ZC2HC1A: variants seen among roughly 807,000 people sequenced by gnomAD.
ZC2HC1A encodes the protein zinc finger C2HC domain-containing protein 1A.
In ZC2HC1A, 28 loss-of-function variants were observed where a neutral mutation model predicts 40.7. The observed-to-expected ratio is 0.69, with a 90% CI of 0.51 to 0.94. The LOEUF (loss-of-function observed/expected upper bound fraction) is 0.94, where lower values mean the gene tolerates loss of function less well. Among genes scored for constraint, ZC2HC1A ranks in the 40% least tolerant of loss-of-function variants. The probability of loss-of-function intolerance (pLI) is 0.00; values close to 1 mark genes in which losing one functional copy is unlikely to be tolerated. For missense variants in ZC2HC1A, 389 were observed against 386.3 expected (o/e 1.01, Z -0.06); for synonymous variants, 129 against 129.2 (o/e 1.00, Z 0.01).
At chr8:78,671,384 G>C (rs1809434089) in intron 1 of ZC2HC1A, among the ~76,000 whole-genome samples, 1 of 152,056 alleles carries the variant, frequency 6.6e-6, no homozygotes, top group Non-Finnish European at 1.5e-5. Flanking sequence ...CCATCACCTT[G>C]AGTGCTTATT....
intron 3 of ZC2HC1A, among the ~76,000 whole-genome samples, chr8:78,682,789 C>T (rs1306175516): frequency 3.3e-5 from 5 of 152,184 alleles, no homozygotes; most frequent in Admixed American, 2.6e-4. Flanking sequence ...TGAGACAAGG[C>T]AAGTTTCTTC....
At chr8:78,673,803 G>A (rs901449536) in intron 1 of ZC2HC1A, among the ~76,000 whole-genome samples, 2 of 151,986 alleles carry the variant, frequency 1.3e-5, no homozygotes, top group African/African-American at 4.8e-5. Flanking sequence ...ATTTATATAT[G>A]TGTTTTATAT....
intron 7 of ZC2HC1A, 38 bp from the exon 8 acceptor site, chr8:78,715,183 G>C: frequency 1.9e-6 from 3 of 1,578,412 alleles, no homozygotes; most frequent in Non-Finnish European, 2.6e-6. Context: ...CATGCTCACT[G>C]TTCAATACTT....
At chr8:78,674,498 G>T (rs1237979601) in intron 1 of ZC2HC1A, among the ~76,000 whole-genome samples, 2 of 152,084 alleles carry the variant, frequency 1.3e-5, no homozygotes, top group Non-Finnish European at 2.9e-5. Context: ...ATTGTTAGTG[G>T]ACTTAAGTGA....
rs1585973716 is a variant in ZC2HC1A, at chr8:78,671,087, A to G, written c.17-4700A>G. Among the ~76,000 whole-genome samples, 5 of 152,342 alleles carry G rather than the reference A, an allele frequency of 3.3e-5. No individual in the cohort carries two copies. In the Middle Eastern group the frequency reaches 0.014, roughly 415 times the overall value. On this transcript the variant is annotated intron_variant, in intron 1 of 8. Coordinates refer to ENST00000263849, the MANE Select transcript of ZC2HC1A (RefSeq NM_016010.3). ...AGATGGACATGCCACAAGGGAGGCC[A>G]GAACTGTTCTTAATTTCCAAGATTT...
At chr8:78,669,732 C>T (rs1338527702) in intron 1 of ZC2HC1A, among the ~76,000 whole-genome samples, 1 of 152,158 alleles carries the variant, frequency 6.6e-6, no homozygotes, top group Non-Finnish European at 1.5e-5. Context: ...TTATGACCAT[C>T]TCTTCTCCCC....
chr8:78,707,774 A>T (rs1810821217), intron 7 of ZC2HC1A, among the ~76,000 whole-genome samples: 1 of 152,196 alleles, frequency 6.6e-6, no homozygotes, highest in African/African-American at 2.4e-5. Flanking sequence ...TTACTATATT[A>T]ACTGGAACAT....
chr8:78,716,900 C>T (rs1311584551), intron 8 of ZC2HC1A, among the ~76,000 whole-genome samples: 1 of 151,980 alleles, frequency 6.6e-6, no homozygotes, highest in East Asian at 1.9e-4. Context: ...TCTCTTTTTT[C>T]CTCCTGCTCC....
At chr8:78,690,414 G>A (rs1810170079) in intron 5 of ZC2HC1A, among the ~76,000 whole-genome samples, 1 of 152,080 alleles carries the variant, frequency 6.6e-6, no homozygotes, top group South Asian at 2.1e-4. Context: ...CAAAAAATTA[G>A]CTGGACGTGG....
chr8:78,714,770 A>T (rs1811047867), intron 7 of ZC2HC1A, among the ~76,000 whole-genome samples: 2 of 152,190 alleles, frequency 1.3e-5, no homozygotes, highest in Non-Finnish European at 2.9e-5. Context: ...TAGAACTTTC[A>T]TAAGTTGAAT....
chr8:78,716,084 A>G (rs969696431), intron 8 of ZC2HC1A, among the ~76,000 whole-genome samples: 6 of 149,128 alleles, frequency 4.0e-5, no homozygotes, highest in Non-Finnish European at 7.4e-5. Context: ...TTCATCTAGC[A>G]TCTATTTTAC....
intron 7 of ZC2HC1A, among the ~76,000 whole-genome samples, chr8:78,713,239 G>A (rs74537922): frequency 6.6e-6 from 1 of 151,922 alleles, no homozygotes; most frequent in Non-Finnish European, 1.5e-5. Context: ...TGTAAGACTG[G>A]GGCAAGATGT....
chr8:78,715,470 C>G (rs1394644144), intron 8 of ZC2HC1A, 142 bp downstream of exon 8: 1 of 688,762 alleles, frequency 1.5e-6, no homozygotes, highest in African/African-American at 1.9e-5. Context: ...AAGTTGTACA[C>G]CTCTAATGGA....
chr8:78,674,042 T>C (rs1413384666), intron 1 of ZC2HC1A, among the ~76,000 whole-genome samples: 1 of 152,140 alleles, frequency 6.6e-6, no homozygotes, highest in Non-Finnish European at 1.5e-5. Context: ...TAATATTTGG[T>C]TGCTTTATGT....
At chr8:78,702,936 G>T (rs891327801) in intron 7 of ZC2HC1A, among the ~76,000 whole-genome samples, 1 of 151,886 alleles carries the variant, frequency 6.6e-6, no homozygotes, top group Non-Finnish European at 1.5e-5. Context: ...TCACTCTGTC[G>T]CCCAGGCTAT....
Position 78,686,472 on chromosome 8 carries a change from A to G in ZC2HC1A, c.216A>G (p.Glu72=). Residue 72 remains glutamate (E), a synonymous_variant, in exon 4 of 9, where the codon GAA becomes GAG. Coordinates refer to ENST00000263849, the MANE Select transcript of ZC2HC1A (RefSeq NM_016010.3). ...PTVKPLKPRP[E]PPKKPSNWRR... ...ATTTATTTATTTATTTATAGCCAGA[A>G]CCACCAAAGAAACCATCTAATTGGA... is the stretch of plus-strand genomic sequence containing the variant. 6.9e-7 allele frequency: 1 copy of G among 1,448,854 alleles called. No individual in the cohort carries two copies. Among genetic ancestry groups the G allele is most frequent in the Non-Finnish European group, 9.1e-7 (1 of 1,094,026 alleles). 89.7% of individuals were successfully genotyped at this position (1,448,854 alleles called of 1,614,324 possible). A position where few individuals can be genotyped will look rare whatever the true frequency, so the allele number is the denominator to read the frequency against.
chr8:78,704,888 C>T (rs897797359), intron 7 of ZC2HC1A, among the ~76,000 whole-genome samples: 12 of 152,160 alleles, frequency 7.9e-5, no homozygotes, highest in African/African-American at 2.2e-4. Flanking sequence ...TTGGTCTCTT[C>T]TGCTATTAAT....
chr8:78,686,814 T>C lies in ZC2HC1A; in HGVS notation c.352+206T>C, dbSNP rs151231016. 7.2e-3 allele frequency among the ~76,000 whole-genome samples: 1,096 copies of C among 152,274 alleles called. 8 individuals are homozygous for C. The highest frequency in any genetic ancestry group is 0.012 in the Non-Finnish European group (787 of 68,016). ...TAGAACATGGAAGTGTATTATGTTT[T>C]TATTTTAATACTTTTATTTAAACAA... On this transcript the variant is annotated intron_variant, in intron 4 of 8. Transcript: ENST00000263849.
At chr8:78,669,935 A>G (rs1444038259) in intron 1 of ZC2HC1A, among the ~76,000 whole-genome samples, 1 of 151,456 alleles carries the variant, frequency 6.6e-6, no homozygotes, top group Non-Finnish European at 1.5e-5. Flanking sequence ...TATTGAATCA[A>G]GGAATGAATG....
Sources: allele counts gnomAD v4.1 joint callset (sites outside exome capture counted in the v4.1 genomes callset), GRCh38; gene constraint gnomAD v4.1.1; transcripts MANE v1.5; gene names NCBI Gene and HGNC (gene_info 2026-07-23, HGNC 2026-07-21).